TMC1: variants seen among roughly 807,000 people sequenced by gnomAD.
TMC1 encodes the protein transmembrane channel like 1.
TMC1 carries 84 observed loss-of-function variants against 105.8 expected under a neutral mutation model. The observed-to-expected ratio is 0.79, with a 90% CI of 0.67 to 0.95. TMC1 has a LOEUF of 0.95. TMC1 is among the 40% of genes least tolerant of loss of function. TMC1 has a pLI of 0.00. For synonymous variants in TMC1, 315 were observed against 311.5 expected (o/e 1.01, Z -0.12); for missense variants, 817 against 914.1 (o/e 0.89, Z 1.37).
chr9:72,607,273 G>C (rs1009659721), intron 2 of TMC1, among the ~76,000 whole-genome samples: 1 of 152,122 alleles, frequency 6.6e-6, no homozygotes, highest in Non-Finnish European at 1.5e-5. Flanking sequence ...AAGAAGCACA[G>C]ATTGATTTCT....
At chr9:72,570,115 G>GTGT (rs945490792) in intron 1 of TMC1, among the ~76,000 whole-genome samples, 1 of 152,078 alleles carries the variant, frequency 6.6e-6, no homozygotes, top group Non-Finnish European at 1.5e-5. Context: ...ATGGCAGCTG[G>GTGT]TGTTGCATAA....
intron 19 of TMC1, chr9:72,818,537 G>T (rs1828824597): frequency 6.6e-6 from 1 of 152,138 alleles, no homozygotes. Flanking sequence ...GCTTCACTGG[G>T]TACTCTCCCG....
At chr9:72,742,639 CA>C in intron 10 of TMC1, 114 bp downstream of exon 10, 1 of 881,420 alleles carries the variant, frequency 1.1e-6, no homozygotes, top group Non-Finnish European at 1.8e-6. Context: ...AACAAACAAA[CA>C]AACAAACAAA....
intron 1 of TMC1, among the ~76,000 whole-genome samples, chr9:72,562,213 C>T (rs1824066816): frequency 6.6e-6 from 1 of 152,072 alleles, no homozygotes; most frequent in African/African-American, 2.4e-5. Flanking sequence ...AATATATGCT[C>T]TAAGTCAAGG....
At chr9:72,625,504 C>T (rs182237661) in intron 3 of TMC1, among the ~76,000 whole-genome samples, 10 of 151,904 alleles carry the variant, frequency 6.6e-5, no homozygotes, top group Non-Finnish European at 1.3e-4. Flanking sequence ...CTGACTAACA[C>T]GGTGAAACCC....
At chr9:72,783,887 A>G (rs1192804061) in intron 13 of TMC1, among the ~76,000 whole-genome samples, 1 of 152,206 alleles carries the variant, frequency 6.6e-6, no homozygotes, top group African/African-American at 2.4e-5. Context: ...ACAAAAATCA[A>G]CTCAAGGTGG....
In TMC1 at chr9:72,694,559, G is replaced by T; in HGVS notation, c.81G>T (p.Glu27Asp). 6.2e-7 allele frequency: 1 copy of T among 1,612,640 alleles called. No individual in the cohort carries two copies. Residue 27 changes from glutamate to aspartate, a missense_variant, in exon 7 of 24, where the codon GAG becomes GAT. By Grantham distance (45) the Glu-to-Asp change is conservative. Transcript: ENST00000297784. ...TEESSSEEEE[E>D]VEDKLPRRES... ...TATGTTTAGGTGAAGAGGAAGAGGA[G>T]GTGGAAGATAAGCTACCTCGAAGAG...
At chr9:72,803,377 C>G (rs914869795) in intron 17 of TMC1, among the ~76,000 whole-genome samples, 9 of 152,070 alleles carry the variant, frequency 5.9e-5, no homozygotes, top group Non-Finnish European at 1.3e-4. Context: ...CAAAAATTGA[C>G]AAATGGGAAC....
chr9:72,648,665 G>C lies in TMC1; in HGVS notation c.16+1G>C, dbSNP rs1169090943. 6.2e-7 allele frequency: 1 copy of C among 1,612,934 alleles called. No homozygotes were observed. Among genetic ancestry groups the C allele is most frequent in the Admixed American group, 1.7e-5 (1 of 59,998 alleles). Reference sequence around the variant, plus strand: ...ACCCCCAGGATGTCACCCAAAAAAGGTATTTACAAAATCAAGACTGTCTGT... The same window carrying C: ...ACCCCCAGGATGTCACCCAAAAAAGCTATTTACAAAATCAAGACTGTCTGT... On this transcript the variant is annotated splice_donor_variant, in intron 5 of 23. Transcript: ENST00000297784. LOFTEE classifies it high-confidence loss of function.
At chr9:72,783,343 C>G (rs901579844) in intron 13 of TMC1, among the ~76,000 whole-genome samples, 1 of 152,148 alleles carries the variant, frequency 6.6e-6, no homozygotes, top group Non-Finnish European at 1.5e-5. Flanking sequence ...CTGAGAGCCC[C>G]TGGCAAACCA....
intron 11 of TMC1, 101 bp downstream of exon 11, chr9:72,752,057 A>G (rs755641942): frequency 5.6e-5 from 48 of 858,002 alleles, no homozygotes; most frequent in Non-Finnish European, 8.8e-5. Context: ...GGCTATTTTC[A>G]CGTCTTAGAG....
chr9:72,732,673 G>A (rs925467383), intron 8 of TMC1, among the ~76,000 whole-genome samples: 3 of 152,060 alleles, frequency 2.0e-5, no homozygotes, highest in Admixed American at 6.5e-5. Context: ...TTGTATGTAT[G>A]TCCTTATTCC....
chr9:72,739,599 C>T lies in TMC1; in HGVS notation c.363-520C>T, dbSNP rs1827355599. Among the ~76,000 whole-genome samples, 3 of 152,118 alleles carry T rather than the reference C, an allele frequency of 2.0e-5. No homozygotes were observed. In the South Asian group the frequency reaches 6.2e-4, roughly 32 times the overall value. ...CTTTTCTCTCTCTTTCTCTTCTCAA[C>T]CCCATTTACTTTACAGAATGATTTT... On this transcript the variant is annotated intron_variant, in intron 8 of 23. Transcript: ENST00000297784.
chr9:72,662,400 T>C (rs1825981921), intron 5 of TMC1, among the ~76,000 whole-genome samples: 1 of 151,516 alleles, frequency 6.6e-6, no homozygotes, highest in Non-Finnish European at 1.5e-5. Context: ...TTTCACCATG[T>C]TGGCCAGGCT....
chr9:72,705,662 A>G (rs889636897), intron 8 of TMC1, among the ~76,000 whole-genome samples: 29 of 152,336 alleles, frequency 1.9e-4, no homozygotes, highest in Middle Eastern at 3.4e-3. Flanking sequence ...ACTTAGCTGG[A>G]TATTTAAAGA....
intron 17 of TMC1, among the ~76,000 whole-genome samples, chr9:72,794,585 C>T (rs1193433166): frequency 6.6e-6 from 1 of 152,182 alleles, no homozygotes; most frequent in African/African-American, 2.4e-5. Flanking sequence ...CTGTGCAAAG[C>T]CTTGGCCCAA....
chr9:72,765,663 AAAG>A (rs1226973691), intron 12 of TMC1, among the ~76,000 whole-genome samples: 3 of 152,098 alleles, frequency 2.0e-5, no homozygotes, highest in Non-Finnish European at 4.4e-5. Flanking sequence ...AAAATTCAAA[AAAG>A]AGCCTGATCA....
intron 12 of TMC1, among the ~76,000 whole-genome samples, chr9:72,766,334 A>G (rs1303053261): frequency 6.6e-6 from 1 of 151,430 alleles, no homozygotes; most frequent in African/African-American, 2.4e-5. Flanking sequence ...GAAGAATGGC[A>G]TGAACCCAGG....
chr9:72,799,787 A>G (rs1828439134), intron 17 of TMC1, among the ~76,000 whole-genome samples: 1 of 152,194 alleles, frequency 6.6e-6, no homozygotes, highest in Non-Finnish European at 1.5e-5. Context: ...AACGATAAAT[A>G]TGTTACATGG....
Sources: gnomAD v4.1 joint callset for allele counts (sites outside exome capture counted in the v4.1 genomes callset) on GRCh38, gnomAD v4.1.1 for gene constraint, MANE v1.5 for transcripts, NCBI Gene and HGNC (gene_info 2026-07-23, HGNC 2026-07-21) for gene names.